The following SHISA9 variants were observed in gnomAD, a reference collection of about 807,000 sequenced individuals.
The protein encoded by SHISA9 is shisa family member 9.
In SHISA9, 13 loss-of-function variants were observed where a neutral mutation model predicts 38.0. The observed-to-expected ratio is 0.34, with a 90% CI of 0.22 to 0.54. The LOEUF is 0.54. Ranked by LOEUF, SHISA9 falls within the 20% of genes least tolerant of loss-of-function variation. The pLI is 0.91. For missense variants in SHISA9, 538 were observed against 575.8 expected, an observed-to-expected ratio of 0.93 and a Z score of 0.67; for synonymous variants, 275 against 242.0, an observed-to-expected ratio of 1.14 and a Z score of -1.27.
the SHISA9 span, among the ~76,000 whole-genome samples, chr16:13,333,737 G>A: frequency 4.6e-5 from 7 of 152,186 alleles, no homozygotes; most frequent in East Asian, 3.9e-4. Flanking sequence ...TATCTGGAAC[G>A]TAAACTACCC....
chr16:13,531,336 G>A, the SHISA9 span, among the ~76,000 whole-genome samples: 1 of 152,122 alleles, frequency 6.6e-6, no homozygotes, highest in Non-Finnish European at 1.5e-5. Context: ...AACAACAGCA[G>A]CCACAATAAA....
chr16:13,339,298 G>T, the SHISA9 span, among the ~76,000 whole-genome samples: 2 of 151,824 alleles, frequency 1.3e-5, no homozygotes, highest in Non-Finnish European at 2.9e-5. Context: ...TTTTACAAGG[G>T]TCCTAAAGTT....
the SHISA9 span, among the ~76,000 whole-genome samples, chr16:13,516,053 T>A: frequency 6.6e-6 from 1 of 152,204 alleles, no homozygotes; most frequent in Non-Finnish European, 1.5e-5. Context: ...ACCTTCCAAT[T>A]GCATGGTAGG....
In SHISA9 at chr16:13,220,124, C is replaced by A. The variant is rs74014607; in HGVS notation, c.895+6824C>A. Among the ~76,000 whole-genome samples the A allele has an allele frequency of 2.9e-3, 435 of 152,252 alleles. 6 individuals are homozygous for A. The highest frequency in any genetic ancestry group is 1.0e-2 in the African/African-American group (414 of 41,544). ...TCTCATTGCTTAAAATGTATTTAGACCAGCATTTATTTAGATCAGGAGTCT... is the reference window on the plus strand; with the variant it reads ...TCTCATTGCTTAAAATGTATTTAGAACAGCATTTATTTAGATCAGGAGTCT... On this transcript the variant is annotated intron_variant, in intron 4 of 4. Coordinates refer to ENST00000558583, the MANE Select transcript of SHISA9 (RefSeq NM_001145204.3).
At chr16:13,019,882 CCCTTCTTT>C (rs1448655358) in intron 2 of SHISA9, among the ~76,000 whole-genome samples, 1,140 of 20,244 alleles carry the variant, frequency 0.056, 128 homozygotes, top group Middle Eastern at 0.12. Context: ...CTCCCTCCCT[CCCTTCTTT>C]CTTTCTTTCT....
the SHISA9 span, among the ~76,000 whole-genome samples, chr16:13,452,484 C>A: frequency 6.6e-6 from 1 of 152,082 alleles, no homozygotes; most frequent in Admixed American, 6.6e-5. Flanking sequence ...TGGCTGTGTT[C>A]CTGAGAGAAA....
At chr16:13,153,501 A>G (rs2050517329) in intron 2 of SHISA9, among the ~76,000 whole-genome samples, 1 of 152,164 alleles carries the variant, frequency 6.6e-6, no homozygotes, top group Non-Finnish European at 1.5e-5. Context: ...TTGTTGATGT[A>G]TCTCATGCCC....
chr16:13,377,554 C>T, the SHISA9 span, among the ~76,000 whole-genome samples: 3 of 152,246 alleles, frequency 2.0e-5, no homozygotes, highest in African/African-American at 7.2e-5. Context: ...GGATTTTGAT[C>T]CCGATCACCT....
chr16:12,966,898 T>C (rs2071986633), intron 2 of SHISA9, among the ~76,000 whole-genome samples: 1 of 152,200 alleles, frequency 6.6e-6, no homozygotes, highest in African/African-American at 2.4e-5. Flanking sequence ...GTCCAGACAA[T>C]CTCTTGAAAT....
intron 2 of SHISA9, among the ~76,000 whole-genome samples, chr16:13,052,609 C>G (rs891921434): frequency 6.6e-6 from 1 of 152,196 alleles, no homozygotes; most frequent in African/African-American, 2.4e-5. Context: ...TTGCAAAACC[C>G]TATTTAGATG....
chr16:13,428,585 G>A, the SHISA9 span, among the ~76,000 whole-genome samples: 1 of 152,080 alleles, frequency 6.6e-6, no homozygotes. Context: ...TTCATGCCCA[G>A]ATGAATTCTG....
At chr16:12,988,192 C>G (rs966120834) in intron 2 of SHISA9, among the ~76,000 whole-genome samples, 2 of 152,208 alleles carry the variant, frequency 1.3e-5, no homozygotes, top group African/African-American at 4.8e-5. Flanking sequence ...GATCAAATTC[C>G]CAGTGCCTCT....
At chr16:12,969,671 C>T (rs1055163526) in intron 2 of SHISA9, among the ~76,000 whole-genome samples, 3 of 152,040 alleles carry the variant, frequency 2.0e-5, no homozygotes, top group African/African-American at 7.2e-5. Context: ...TGCTTGAACC[C>T]GGGAGGCGGA....
chr16:13,481,688 A>AAATG, the SHISA9 span, among the ~76,000 whole-genome samples: 10 of 152,322 alleles, frequency 6.6e-5, no homozygotes, highest in East Asian at 1.9e-3. Context: ...ATTGTTGAGC[A>AAATG]AATGAATGAA....
chr16:13,477,653 A>G, the SHISA9 span, among the ~76,000 whole-genome samples: 3 of 152,184 alleles, frequency 2.0e-5, no homozygotes, highest in Admixed American at 1.3e-4. Context: ...CAGAATGCCA[A>G]CTGAAATGTG....
At chr16:13,494,442 A>T in the SHISA9 span, among the ~76,000 whole-genome samples, 1 of 152,242 alleles carries the variant, frequency 6.6e-6, no homozygotes, top group African/African-American at 2.4e-5. Flanking sequence ...CTTTAAAAAG[A>T]AGGAAAAAAT....
At chr16:13,035,629 C>G (rs2073048885) in intron 2 of SHISA9, among the ~76,000 whole-genome samples, 1 of 151,982 alleles carries the variant, frequency 6.6e-6, no homozygotes, top group Admixed American at 6.6e-5. Context: ...CTCCCAGGTT[C>G]AAGTGATTCT....
the SHISA9 span, among the ~76,000 whole-genome samples, chr16:13,424,279 A>G: frequency 6.6e-6 from 1 of 152,256 alleles, no homozygotes; most frequent in African/African-American, 2.4e-5. Context: ...TCAAAAAGCA[A>G]CTGATAAATG....
chr16:13,342,484 C>T, the SHISA9 span, among the ~76,000 whole-genome samples: 587 of 152,244 alleles, frequency 3.9e-3, 2 homozygotes, highest in Admixed American at 8.2e-3. Context: ...GAGAATTTCA[C>T]CATGTTGGTC....
Sources: gnomAD v4.1 joint callset for allele counts (sites outside exome capture counted in the v4.1 genomes callset) on GRCh38, gnomAD v4.1.1 for gene constraint, MANE v1.5 for transcripts, NCBI Gene and HGNC (gene_info 2026-07-23, HGNC 2026-07-21) for gene names.